Variants in ABCA1 observed in about 807,000 individuals in gnomAD.
ABCA1 encodes the protein phospholipid-transporting ATPase ABCA1.
Under a neutral mutation model 262.5 loss-of-function variants are expected in ABCA1, and 133 were observed. The ratio of observed to expected loss-of-function variants is 0.51; its 90% CI spans 0.44 to 0.59. ABCA1 has a LOEUF of 0.59. ABCA1 is among the 20% of genes least tolerant of loss of function. ABCA1 has a pLI of 0.00. For missense variants in ABCA1, 2,452 were observed against 2,777.5 expected, an observed-to-expected ratio of 0.88 and a Z score of 2.63; for synonymous variants, 1,022 against 1,043.5, an observed-to-expected ratio of 0.98 and a Z score of 0.40.
intron 5 of ABCA1, among the ~76,000 whole-genome samples, chr9:104,862,673 C>CCCCCA (rs1836662158): frequency 1.2e-4 from 1 of 8,076 alleles, no homozygotes; most frequent in Non-Finnish European, 2.9e-4. Context: ...CCGGGCCGGG[C>CCCCCA]CGGGCCGGGC....
Position 104,861,681 on chromosome 9 carries a change from T to G in ABCA1, c.541A>C (p.Lys181Gln). 1 of 1,614,180 alleles carries G rather than the reference T, an allele frequency of 6.2e-7. No homozygotes were observed. The change falls in exon 6 of 50, where the codon AAG becomes CAG. Residue 181 changes from lysine (K) to glutamine (Q), a missense_variant and splice_region_variant. Lys to Gln is a moderately conservative substitution (Grantham distance 53). Transcript: ENST00000374736. ...GGAAGCTGGAGGCATCAGCTTACCT[T>G]GTGGAGAATGACATCAGCCCTCAGC... ...KMLRADVILH[K>Q]VFLQGYQLHL...
chr9:104,882,028 T>TAAAAA (rs557626075), intron 5 of ABCA1, among the ~76,000 whole-genome samples: 951 of 73,652 alleles, frequency 0.013, 51 homozygotes, highest in East Asian at 0.029. Flanking sequence ...TCTGTAGCCT[T>TAAAAA]AAAAAAAAAA....
intron 1 of ABCA1, among the ~76,000 whole-genome samples, chr9:104,914,629 C>T (rs1275074894): frequency 6.6e-6 from 1 of 152,140 alleles, no homozygotes; most frequent in African/African-American, 2.4e-5. Context: ...CAACAAGCTA[C>T]TGTGTCTCAC....
intron 20 of ABCA1, 28 bp downstream of exon 20, chr9:104,821,347 C>T (rs750693819): frequency 1.9e-5 from 30 of 1,612,996 alleles, no homozygotes; most frequent in Non-Finnish European, 2.5e-5. Context: ...CAGAAAAGGC[C>T]TATTCTTAAC....
intron 47 of ABCA1, 89 bp from the exon 48 acceptor site, chr9:104,786,479 T>C (rs1828942834): frequency 1.8e-6 from 2 of 1,136,670 alleles, no homozygotes; most frequent in South Asian, 1.2e-5. Flanking sequence ...TCCAGCTTCC[T>C]AGGGAATTGT....
Position 104,796,329 on chromosome 9 carries a change from G to C in ABCA1, c.5217C>G (p.Ala1739=). 2 of 1,614,196 alleles carry C rather than the reference G, an allele frequency of 1.2e-6. No individual in the cohort carries two copies. The highest frequency in any genetic ancestry group is 1.7e-6 in the Non-Finnish European group (2 of 1,180,024). The part of the protein sequence containing the change: ...YVSSTNLPVL[A]LLLLLYGWSI... ...CTTACCCATACAGCAAAAGTAGAAG[G>C]GCTAGCACAGGCAGATTGGTGGAGG... Residue 1739 remains alanine, a synonymous_variant, in exon 38 of 50, where the codon GCC becomes GCG. Transcript: ENST00000374736.
intron 8 of ABCA1, among the ~76,000 whole-genome samples, chr9:104,845,019 G>A (rs1310273477): frequency 5.3e-5 from 8 of 152,216 alleles, no homozygotes; most frequent in Non-Finnish European, 1.0e-4. Flanking sequence ...TCAGAAGCCA[G>A]ATGCTTTCAA....
chr9:104,795,592 T>G lies in ABCA1; in HGVS notation c.5382+461A>C, dbSNP rs539027118. ...AAAGAAAACTAGGACATATCCAGGT[T>G]GGGGTATCTATATACTATCTAAATG... On this transcript the variant is annotated intron_variant, in intron 39 of 49. Coordinates refer to ENST00000374736, the MANE Select transcript of ABCA1 (RefSeq NM_005502.4). Among the ~76,000 whole-genome samples, 10 of 152,244 alleles carry G rather than the reference T, an allele frequency of 6.6e-5. No homozygotes were observed. In the East Asian group the frequency reaches 1.9e-3, roughly 29 times the overall value.
At chr9:104,802,458 C>T (rs778505693) in intron 33 of ABCA1, among the ~76,000 whole-genome samples, 26 of 152,110 alleles carry the variant, frequency 1.7e-4, no homozygotes, top group Non-Finnish European at 3.7e-4. Flanking sequence ...CCCAGTGGCT[C>T]GTGTGTGAAT....
chr9:104,868,568 G>C (rs1302436743), intron 5 of ABCA1, among the ~76,000 whole-genome samples: 7 of 152,224 alleles, frequency 4.6e-5, no homozygotes, highest in Non-Finnish European at 1.0e-4. Flanking sequence ...AGAAGGTCAA[G>C]AGGGCTCTCC....
At chr9:104,924,949 CA>C (rs1211372804) in intron 1 of ABCA1, among the ~76,000 whole-genome samples, 1 of 152,204 alleles carries the variant, frequency 6.6e-6, no homozygotes, top group African/African-American at 2.4e-5. Context: ...CAGTTTCATT[CA>C]TTTTTTTATG....
At chr9:104,911,410 C>T (rs1841490437) in intron 1 of ABCA1, among the ~76,000 whole-genome samples, 1 of 152,214 alleles carries the variant, frequency 6.6e-6, no homozygotes, top group African/African-American at 2.4e-5. Context: ...AGGGACAAGC[C>T]TAACAAGGTT....
Position 104,827,133 on chromosome 9 carries a change from C to A in ABCA1, c.2152G>T (p.Val718Leu), listed in dbSNP as rs770507745. ...NLLPYSDPSV[V>L]FVFLSVFAVV... ...GCAAACACGGACAGGAAGACAAACA[C>A]CACGCTGGGATCACTGTAGGGCAGC... The change falls in exon 16 of 50, where the codon GTG becomes TTG. Residue 718 changes from valine (V) to leucine (L), a missense_variant. By Grantham distance (32) the Val-to-Leu change is conservative (BLOSUM62 1). Transcript: ENST00000374736. 33 of 1,614,064 alleles carry A rather than the reference C, an allele frequency of 2.0e-5. No homozygotes were observed. The South Asian group carries it at 3.0e-4, about 14-fold the overall frequency.
In ABCA1 at chr9:104,802,170, A is replaced by G; in HGVS notation, c.4593-11T>C. 2 of 1,612,520 alleles carry G rather than the reference A, an allele frequency of 1.2e-6. No homozygotes were observed. The highest frequency in any genetic ancestry group is 1.7e-6 in the Non-Finnish European group (2 of 1,178,504). On this transcript the variant is annotated splice_polypyrimidine_tract_variant and intron_variant, in intron 33 of 49. Transcript: ENST00000374736. ...GAAAAGCCGCCATACCTAAAAGAACAGCCTGACATTAAAACCCAGACAGTG... is the reference window on the plus strand; with the variant it reads ...GAAAAGCCGCCATACCTAAAAGAACGGCCTGACATTAAAACCCAGACAGTG...
chr9:104,837,338 T>G, intron 10 of ABCA1, 90 bp downstream of exon 10: 7 of 1,549,956 alleles, frequency 4.5e-6, no homozygotes, highest in Non-Finnish European at 6.2e-6. Context: ...GTGAGTATAC[T>G]TAGCGCACAC....
intron 20 of ABCA1, 113 bp from the exon 21 acceptor site, chr9:104,820,182 A>T: frequency 1.5e-6 from 2 of 1,348,630 alleles, no homozygotes; most frequent in Non-Finnish European, 2.1e-6. Context: ...CGTGCTTTTT[A>T]AAATAACTTT....
chr9:104,807,843 T>TAC (rs1180467652), intron 30 of ABCA1, among the ~76,000 whole-genome samples: 45 of 36,612 alleles, frequency 1.2e-3, no homozygotes, highest in Non-Finnish European at 2.5e-3. Context: ...AATATATATA[T>TAC]ATACACACAC....
rs1829547852 is a variant in ABCA1 at position 104,792,893 on chromosome 9, T to C, written c.5650A>G (p.Lys1884Glu). The C allele has an allele frequency of 6.2e-7, 1 of 1,614,012 alleles. No individual in the cohort carries two copies. Among genetic ancestry groups the C allele is most frequent in the Non-Finnish European group, 8.5e-7 (1 of 1,180,024 alleles). ...FFIRPRPVNA[K>E]LSPLNDEDED... ...TCTTCATCATTCAGAGGAGATAGCT[T>C]TGCATTTACAGGTCTTGGGGGAAAA... Residue 1884 changes from lysine to glutamate, a missense_variant, in exon 42 of 50, where the codon AAG becomes GAG. Physicochemically the swap from Lys to Glu is moderately conservative, Grantham distance 56 (BLOSUM62 1). This residue lies in a region of ABCA1 where 752 missense variants were observed against 944.5 expected (regional missense o/e 0.80). Coordinates refer to ENST00000374736, the MANE Select transcript of ABCA1 (RefSeq NM_005502.4).
chr9:104,794,042 C>T (rs899009128), intron 40 of ABCA1, among the ~76,000 whole-genome samples: 1 of 152,210 alleles, frequency 6.6e-6, no homozygotes, highest in African/African-American at 2.4e-5. Flanking sequence ...CCTTCTGATT[C>T]CCTGATCACC....
Sources: allele counts gnomAD v4.1 joint callset (sites outside exome capture counted in the v4.1 genomes callset), GRCh38; gene constraint gnomAD v4.1.1; regional missense constraint gnomAD v4.1.1; transcripts MANE v1.5; gene names NCBI Gene and HGNC (gene_info 2026-07-23, HGNC 2026-07-21).